Variants in ELMO2 observed in about 807,000 individuals in gnomAD.
ELMO2 encodes the protein engulfment and cell motility protein 2.
In ELMO2, 37 loss-of-function variants were observed where a neutral mutation model predicts 96.2. The ratio of observed to expected loss-of-function variants is 0.38; its 90% CI spans 0.30 to 0.51. The LOEUF is 0.51. ELMO2 is among the 20% of genes least tolerant of loss of function. The pLI, the probability that ELMO2 is intolerant of heterozygous loss-of-function variation, is 0.88. For synonymous variants in ELMO2, 315 were observed against 329.4 expected (o/e 0.96, Z 0.47); for missense variants, 561 against 912.6 (o/e 0.61, Z 4.96).
chr20:46,371,294 A>C lies in ELMO2; in HGVS notation c.1801+58T>G. ...ATCAGCTACAAACAGCTGGACTAGA[A>C]CTCCTGTCTCCTGACAAGTCCAGCA... On this transcript the variant is annotated intron_variant, in intron 19 of 21. Transcript: ENST00000290246. This position sits in a 1 kb window ranked among gnomAD's most constrained non-coding sequence, Gnocchi z 5.9. 1 of 1,534,988 alleles carries C rather than the reference A, an allele frequency of 6.5e-7. No homozygotes were observed. The highest frequency in any genetic ancestry group is 1.1e-5 in the South Asian group (1 of 88,334).
chr20:46,382,153 G>C (rs2059967585), intron 10 of ELMO2: 4 of 1,282,104 alleles, frequency 3.1e-6, no homozygotes, highest in Non-Finnish European at 4.1e-6. Context: ...GCCTAGCTTT[G>C]ACTTCCCCAC....
chr20:46,374,949 G>T (rs951031710), intron 13 of ELMO2, among the ~76,000 whole-genome samples: 1 of 152,164 alleles, frequency 6.6e-6, no homozygotes, highest in Non-Finnish European at 1.5e-5. Context: ...CACTAGCTTT[G>T]CAAAGAACCT....
intron 10 of ELMO2, 56 bp downstream of exon 10, chr20:46,383,360 G>T: frequency 6.7e-7 from 1 of 1,503,428 alleles, no homozygotes; most frequent in Non-Finnish European, 9.3e-7. Flanking sequence ...GAGTGCATGG[G>T]GTGAGAATTA....
At position 46,371,859 on chromosome 20, in the gene ELMO2, T is replaced by C. The variant is rs1163888398; in HGVS notation, c.1527A>G (p.Arg509=). The part of the protein sequence containing the change: ...LRSLSYSEIL[R]LRQSERMSQD... ...GACTCATCCTCTCAGACTGGCGCAGTCGTAGAATCTCAGAGTAACTCAGGC... is the reference window on the plus strand; with the variant it reads ...GACTCATCCTCTCAGACTGGCGCAGCCGTAGAATCTCAGAGTAACTCAGGC... The change falls in exon 17 of 22, where the codon CGA becomes CGG. Residue 509 remains arginine (R), a synonymous_variant. Coordinates refer to ENST00000290246, the MANE Select transcript of ELMO2 (RefSeq NM_133171.5). The surrounding 1 kb of genome is among the most constrained non-coding windows in gnomAD (Gnocchi z 5.9). 6.2e-7 allele frequency: 1 copy of C among 1,614,210 alleles called. No individual in the cohort carries two copies. The highest frequency in any genetic ancestry group is 8.5e-7 in the Non-Finnish European group (1 of 1,180,032).
At chr20:46,383,357 T>C (rs1173120586) in intron 10 of ELMO2, 59 bp downstream of exon 10, 1 of 1,494,720 alleles carries the variant, frequency 6.7e-7, no homozygotes, top group Non-Finnish European at 9.3e-7. Flanking sequence ...AAAGAGTGCA[T>C]GGGGTGAGAA....
chr20:46,400,393 C>T (rs1373048237), intron 1 of ELMO2, among the ~76,000 whole-genome samples: 1 of 152,218 alleles, frequency 6.6e-6, no homozygotes, highest in Non-Finnish European at 1.5e-5. Flanking sequence ...TTACTCCCTT[C>T]ATTTTCATTC....
Position 46,392,996 on chromosome 20 carries a change from T to C in ELMO2, c.243+97A>G, listed in dbSNP as rs949661578. 3.7e-6 allele frequency: 4 copies of C among 1,083,628 alleles called. No homozygotes were observed. In the African/African-American group the frequency reaches 6.3e-5, roughly 17 times the overall value. 67.1% of individuals were successfully genotyped at this position (1,083,628 alleles called of 1,614,324 possible). ...ATACAAAAAGACTGACTTTCTTATCTCCAGAGTACTTATTTCTAGAACAGA... is the reference window on the plus strand; with the variant it reads ...ATACAAAAAGACTGACTTTCTTATCCCCAGAGTACTTATTTCTAGAACAGA... On this transcript the variant is annotated intron_variant, in intron 6 of 21. Transcript: ENST00000290246.
intron 10 of ELMO2, 139 bp downstream of exon 10, chr20:46,383,277 G>A: frequency 1.1e-6 from 1 of 892,844 alleles, no homozygotes; most frequent in Non-Finnish European, 1.8e-6. Flanking sequence ...CCACCCTCCT[G>A]GGCTCCAGAC....
At chr20:46,401,593 TC>T (rs753232243) in intron 1 of ELMO2, among the ~76,000 whole-genome samples, 1 of 152,174 alleles carries the variant, frequency 6.6e-6, no homozygotes, top group Non-Finnish European at 1.5e-5. Flanking sequence ...TTAAGTAAGC[TC>T]CTTAGCAGAG....
rs1195014815 is a variant in ELMO2 at position 46,394,489 on chromosome 20, C to T, written c.-7G>A. 3.1e-6 allele frequency: 5 copies of T among 1,614,174 alleles called. No homozygotes were observed. The highest frequency in any genetic ancestry group is 3.3e-4 in the Middle Eastern group (2 of 6,062). ...TGTCTGACGGTGGTGGCATCGTTCC[C>T]AATGGGCTCTAATTCTGCGAGACAA... On this transcript the variant is annotated 5_prime_UTR_variant, in exon 3 of 22. Coordinates refer to ENST00000290246, the MANE Select transcript of ELMO2 (RefSeq NM_133171.5).
Position 46,380,062 on chromosome 20 carries a change from G to A in ELMO2, c.807+191C>T. On this transcript the variant is annotated intron_variant, in intron 11 of 21. Transcript: ENST00000290246. ...ACGCACTGCAATTGCTGGTGAGATG[G>A]CTGCCTAGAGGCAACTCTGCTCACA... The A allele has an allele frequency of 6.1e-6, 3 of 495,438 alleles. No homozygotes were observed. In the South Asian group the frequency reaches 9.7e-5, roughly 16 times the overall value. The allele number at this position is 495,438 out of a possible 1,614,324, so 30.7% of individuals were successfully genotyped here.
Position 46,394,111 on chromosome 20 carries a change from C to T in ELMO2, c.79-22G>A, listed in dbSNP as rs201029650. On this transcript the variant is annotated intron_variant, in intron 3 of 21. Transcript: ENST00000290246. ...GTTTCTGAAAGAGAGAGAGAGAAAG[C>T]CTTCAACAGCAGCAACATCCTACTC... 46 of 1,595,532 alleles carry T rather than the reference C, an allele frequency of 2.9e-5. No homozygotes were observed. In the African/African-American group the frequency reaches 5.9e-4, roughly 20 times the overall value.
Position 46,374,397 on chromosome 20 carries a change from G to A in ELMO2, c.1214C>T (p.Pro405Leu). The A allele has an allele frequency of 1.2e-6, 2 of 1,614,158 alleles. No individual in the cohort carries two copies. Among genetic ancestry groups the A allele is most frequent in the Non-Finnish European group, 1.7e-6 (2 of 1,180,048 alleles). The change falls in exon 15 of 22, where the codon CCC becomes CTC. Residue 405 changes from proline to leucine, a missense_variant. Coordinates refer to ENST00000290246, the MANE Select transcript of ELMO2 (RefSeq NM_133171.5). The part of the protein sequence containing the change: ...NSSREDKHEC[P>L]FGRSAIELTK... ...GAGCTCAATGGCACTGCGGCCAAAG[G>A]GGCATTCATGTTTGTCTTCCCGGCT...
chr20:46,405,864 G>A (rs1297526604), intron 1 of ELMO2, among the ~76,000 whole-genome samples: 1 of 152,144 alleles, frequency 6.6e-6, no homozygotes, highest in Non-Finnish European at 1.5e-5. Flanking sequence ...AGCCTGGGCG[G>A]CAGAGCGAGA....
intron 16 of ELMO2, 32 bp downstream of exon 16, chr20:46,373,367 C>T (rs752743637): frequency 4.0e-5 from 65 of 1,612,744 alleles, no homozygotes; most frequent in Non-Finnish European, 4.8e-5. Context: ...GGTCTCCTCC[C>T]GTGGGCCTCA....
intron 7 of ELMO2, 145 bp downstream of exon 7, chr20:46,388,894 T>G: frequency 1.4e-6 from 1 of 725,820 alleles, no homozygotes. Context: ...TATCTTGGTA[T>G]GGACTCTAGT....
At position 46,374,715 on chromosome 20, in the gene ELMO2, G is replaced by A. The variant is rs541701312; in HGVS notation, c.1066-75C>T. The A allele has an allele frequency of 2.3e-4, 301 of 1,306,908 alleles. 2 individuals are homozygous for A. The Middle Eastern group carries it at 2.9e-3, about 13-fold the overall frequency. 81.0% of individuals were successfully genotyped at this position (1,306,908 alleles called of 1,614,324 possible). The stretch of plus-strand genomic sequence containing the variant: ...CAGGGACCTGAGGGGATGCCCTCTC[G>A]CCTCTCCTCTTGATGCTGCTACCAC... On this transcript the variant is annotated intron_variant, in intron 13 of 21. Coordinates refer to ENST00000290246, the MANE Select transcript of ELMO2 (RefSeq NM_133171.5).
At chr20:46,382,681 T>G (rs1394643329) in intron 10 of ELMO2, among the ~76,000 whole-genome samples, 4 of 152,224 alleles carry the variant, frequency 2.6e-5, no homozygotes, top group African/African-American at 9.6e-5. Flanking sequence ...TCAGTGTTTG[T>G]TCCACCACCC....
At chr20:46,388,988 G>A in intron 7 of ELMO2, 51 bp downstream of exon 7, 2 of 1,568,460 alleles carry the variant, frequency 1.3e-6, no homozygotes, top group Non-Finnish European at 1.7e-6. Flanking sequence ...ATGCCCTGTG[G>A]GATGTAGTAA....
Sources: gnomAD v4.1 joint callset for allele counts (sites outside exome capture counted in the v4.1 genomes callset) on GRCh38, gnomAD v4.1.1 for gene constraint, Gnocchi (gnomAD v3.1) non-coding constraint, MANE v1.5 for transcripts, NCBI Gene and HGNC (gene_info 2026-07-23, HGNC 2026-07-21) for gene names.